Variants in SLC8A1 observed in about 807,000 individuals in gnomAD.
The protein encoded by SLC8A1 is solute carrier family 8 member A1.
SLC8A1 carries 18 observed loss-of-function variants against 68.3 expected under a neutral mutation model. The observed-to-expected ratio is 0.26, with a 90% confidence interval of 0.18 to 0.39. The LOEUF is 0.39. SLC8A1 is among the 10% of genes least tolerant of loss of function. SLC8A1 has a pLI of 1.00. For missense variants in SLC8A1, 985 were observed against 1,156.7 expected, an observed-to-expected ratio of 0.85 and a Z score of 2.15; for synonymous variants, 475 against 415.5, an observed-to-expected ratio of 1.14 and a Z score of -1.74.
chr2:40,361,464 C>CT (rs60746878), intron 2 of SLC8A1, among the ~76,000 whole-genome samples: 126 of 147,028 alleles, frequency 8.6e-4, no homozygotes, highest in Middle Eastern at 3.6e-3. Context: ...CTGAAGGAGC[C>CT]TTTTTTTTTT....
Position 40,259,697 on chromosome 2 carries a change from T to G in SLC8A1, c.1809-81842A>C, listed in dbSNP as rs543561789. On this transcript the variant is annotated intron_variant, in intron 2 of 7. Coordinates refer to ENST00000406785, the Ensembl canonical transcript of SLC8A1. ...CTTAGAAGCCTCTTTTCTTAGGGTTTGGAGGTTGATTTACTATTGCCAATA... is the reference window on the plus strand; with the variant it reads ...CTTAGAAGCCTCTTTTCTTAGGGTTGGGAGGTTGATTTACTATTGCCAATA... Among the ~76,000 whole-genome samples the G allele has an allele frequency of 2.0e-5, 3 of 152,320 alleles. No individual in the cohort carries two copies. In the South Asian group the frequency reaches 6.2e-4, roughly 32 times the overall value.
chr2:40,378,920 T>C (rs1680817598), intron 2 of SLC8A1, among the ~76,000 whole-genome samples: 1 of 152,118 alleles, frequency 6.6e-6, no homozygotes, highest in Non-Finnish European at 1.5e-5. Context: ...CTCCTTCTCC[T>C]GCCTAAGTTG....
chr2:40,165,814 G>A (rs2046454297), intron 4 of SLC8A1, among the ~76,000 whole-genome samples: 1 of 152,132 alleles, frequency 6.6e-6, no homozygotes, highest in Non-Finnish European at 1.5e-5. Flanking sequence ...CTCACAGTTG[G>A]CTCTCTCTTT....
chr2:40,335,561 C>G (rs772227100), intron 2 of SLC8A1, among the ~76,000 whole-genome samples: 1 of 152,238 alleles, frequency 6.6e-6, no homozygotes, highest in African/African-American at 2.4e-5. Flanking sequence ...ATGAACATAG[C>G]TTCCTTTCCC....
At chr2:40,118,014 G>A (rs79891056) in intron 7 of SLC8A1, among the ~76,000 whole-genome samples, 1 of 152,166 alleles carries the variant, frequency 6.6e-6, no homozygotes, top group Non-Finnish European at 1.5e-5. Context: ...GTGATGAAAA[G>A]CAGATCTGAT....
At chr2:40,339,433 A>C (rs999261685) in intron 2 of SLC8A1, among the ~76,000 whole-genome samples, 2 of 152,178 alleles carry the variant, frequency 1.3e-5, no homozygotes, top group African/African-American at 4.8e-5. Context: ...GGGCTCTCTA[A>C]AGTGAGGCAG....
chr2:40,478,377 G>C (rs1403674357), intron 1 of SLC8A1, among the ~76,000 whole-genome samples: 4 of 152,148 alleles, frequency 2.6e-5, no homozygotes, highest in Admixed American at 6.5e-5. Flanking sequence ...TTTGTGTCCT[G>C]TTTGCAGGTT....
chr2:40,141,530 C>T (rs1176762073), intron 6 of SLC8A1, among the ~76,000 whole-genome samples: 1 of 152,136 alleles, frequency 6.6e-6, no homozygotes, highest in African/African-American at 2.4e-5. Flanking sequence ...TGGAGAACTC[C>T]CCAGTGAGGA....
At chr2:40,388,958 G>C (rs1176316191) in intron 2 of SLC8A1, among the ~76,000 whole-genome samples, 1 of 152,040 alleles carries the variant, frequency 6.6e-6, no homozygotes, top group Non-Finnish European at 1.5e-5. Context: ...ACATAATGAA[G>C]CTAAAGTTTA....
intron 4 of SLC8A1, among the ~76,000 whole-genome samples, chr2:40,168,185 A>C (rs2046871277): frequency 6.6e-6 from 1 of 152,168 alleles, no homozygotes; most frequent in Non-Finnish European, 1.5e-5. Flanking sequence ...CATGATAAGG[A>C]CTAGGGGACC....
Position 40,365,252 on chromosome 2 carries a change from A to T in SLC8A1, c.1808+63221T>A, listed in dbSNP as rs1323923990. Among the ~76,000 whole-genome samples the T allele has an allele frequency of 3.3e-5, 5 of 152,082 alleles. No individual in the cohort carries two copies. The East Asian group carries it at 9.7e-4, about 29-fold the overall frequency. ...AAATGAAAGCGGGACAAGAATTCAG[A>T]CTTTCTACCATAGAATTTGGTGGTC... On this transcript the variant is annotated intron_variant, in intron 2 of 7. Transcript: ENST00000406785.
intron 6 of SLC8A1, among the ~76,000 whole-genome samples, chr2:40,156,360 G>GTTATTTTTTT: frequency 7.1e-6 from 1 of 140,792 alleles, no homozygotes; most frequent in Middle Eastern, 3.7e-3. Context: ...AACTGCTGGA[G>GTTATTTTTTT]TTTTTTTTTT....
intron 1 of SLC8A1, among the ~76,000 whole-genome samples, chr2:40,484,954 GTC>G (rs544438985): frequency 9.1e-4 from 138 of 152,286 alleles, no homozygotes; most frequent in African/African-American, 3.3e-3. Flanking sequence ...ACGTGATGAA[GTC>G]TCTGAAGAAT....
At position 40,391,208 on chromosome 2, in the gene SLC8A1, C is replaced by T. The variant is rs1327353289; in HGVS notation, c.1808+37265G>A. On this transcript the variant is annotated intron_variant, in intron 2 of 7. Transcript: ENST00000406785. ...ATATATATTACACACACACATATGT[C>T]TGTGTGTATGTGTGTGTGTACATAT... Among the ~76,000 whole-genome samples the T allele has an allele frequency of 2.3e-4, 8 of 34,552 alleles. No homozygotes were observed. The East Asian group carries it at 2.5e-3, about 11-fold the overall frequency. 22.7% of individuals were successfully genotyped at this position (34,552 alleles called of 152,430 possible).
At chr2:40,411,256 T>C (rs527238010) in intron 2 of SLC8A1, among the ~76,000 whole-genome samples, 3 of 152,078 alleles carry the variant, frequency 2.0e-5, no homozygotes, top group Non-Finnish European at 2.9e-5. Flanking sequence ...AAGTTAATAA[T>C]AGCTAGCATA....
intron 2 of SLC8A1, among the ~76,000 whole-genome samples, chr2:40,252,985 G>GTATATATGTATATACA (rs1302511165): frequency 4.8e-4 from 66 of 138,846 alleles, no homozygotes; most frequent in African/African-American, 1.7e-3. Flanking sequence ...ATATGTATCT[G>GTATATATGTATATACA]TATATATGTA....
At chr2:40,187,077 A>G (rs2050833778) in intron 2 of SLC8A1, among the ~76,000 whole-genome samples, 1 of 152,218 alleles carries the variant, frequency 6.6e-6, no homozygotes, top group Admixed American at 6.5e-5. Flanking sequence ...GTTGTGGGTC[A>G]GGAAATATTC....
chr2:40,484,571 A>G (rs563848058), intron 1 of SLC8A1, among the ~76,000 whole-genome samples: 4 of 152,270 alleles, frequency 2.6e-5, no homozygotes, highest in African/African-American at 9.6e-5. Flanking sequence ...ATCTAACGCG[A>G]GGGGCTTTGA....
At chr2:40,441,077 A>T (rs1416779165) in intron 1 of SLC8A1, among the ~76,000 whole-genome samples, 1 of 152,174 alleles carries the variant, frequency 6.6e-6, no homozygotes, top group Admixed American at 6.5e-5. Flanking sequence ...CAACTTCAGC[A>T]GTCTCAGGAA....
Sources: allele counts gnomAD v4.1 joint callset (sites outside exome capture counted in the v4.1 genomes callset), GRCh38; gene constraint gnomAD v4.1.1; transcripts MANE v1.5; gene names NCBI Gene and HGNC (gene_info 2026-07-23, HGNC 2026-07-21).